The following EYA4 variants were observed in gnomAD, a reference collection of about 807,000 sequenced individuals.
EYA4 encodes the protein protein phosphatase EYA4.
EYA4 carries 31 observed loss-of-function variants against 87.9 expected under a neutral mutation model. The observed-to-expected ratio is 0.35, with a 90% confidence interval of 0.27 to 0.48. The LOEUF is 0.48. EYA4 is among the 20% of genes least tolerant of loss of function. The probability of loss-of-function intolerance (pLI) is 0.99; values close to 1 mark genes in which losing one functional copy is unlikely to be tolerated. For synonymous variants in EYA4, 263 were observed against 270.6 expected (o/e 0.97, Z 0.28); for missense variants, 678 against 761.4 (o/e 0.89, Z 1.29).
chr6:133,359,368 A>G (rs2128443292), intron 2 of EYA4, among the ~76,000 whole-genome samples: 1 of 152,310 alleles, frequency 6.6e-6, no homozygotes, highest in African/African-American at 2.4e-5. Context: ...TTATGTAATC[A>G]GTCACTGAAA....
chr6:133,328,444 A>G (rs1042048186), intron 2 of EYA4, among the ~76,000 whole-genome samples: 9 of 152,142 alleles, frequency 5.9e-5, no homozygotes, highest in African/African-American at 1.7e-4. Flanking sequence ...GTTCAGATCA[A>G]TGTAAGTAAT....
Position 133,327,746 on chromosome 6 carries a change from C to T in EYA4, c.33+52933C>T, listed in dbSNP as rs7771444. On this transcript the variant is annotated intron_variant, in intron 2 of 19. Coordinates refer to ENST00000355286, the MANE Select transcript of EYA4 (RefSeq NM_004100.5). ...TATCAGAAAAATTCTCAGAAGTACA[C>T]GTAAGTGGAATTTATTCTTTTATTA... Among the ~76,000 whole-genome samples the T allele has an allele frequency of 5.5e-3, 837 of 152,190 alleles. 6 individuals carry two copies. Among genetic ancestry groups the T allele is most frequent in the African/African-American group, 0.018 (733 of 41,516 alleles).
intron 5 of EYA4, among the ~76,000 whole-genome samples, chr6:133,450,857 T>C (rs1444647052): frequency 6.6e-6 from 1 of 152,262 alleles, no homozygotes; most frequent in African/African-American, 2.4e-5. Context: ...CTTTAGATTT[T>C]ATCCTACTAC....
chr6:133,415,474 C>T (rs904296425), intron 3 of EYA4, among the ~76,000 whole-genome samples: 7 of 152,268 alleles, frequency 4.6e-5, no homozygotes, highest in Admixed American at 3.3e-4. Flanking sequence ...GCCTGCCAGA[C>T]GTGCCTCCTC....
At chr6:133,299,951 C>CTATATATATA (rs1252685993) in intron 2 of EYA4, among the ~76,000 whole-genome samples, 27 of 130,972 alleles carry the variant, frequency 2.1e-4, no homozygotes, top group African/African-American at 8.4e-4. Context: ...ATCTATCTAT[C>CTATATATATA]TATCTATATA....
chr6:133,367,421 G>C (rs904386152), intron 2 of EYA4, among the ~76,000 whole-genome samples: 1 of 152,186 alleles, frequency 6.6e-6, no homozygotes, highest in Non-Finnish European at 1.5e-5. Context: ...ACGTATATAT[G>C]TGGCAAGACT....
In EYA4 at chr6:133,456,571, T is replaced by C. The variant is rs2128644160; in HGVS notation, c.293T>C (p.Val98Ala). ...PSSATMSLLA[V>A]KTEPLNSSET... is the part of the protein sequence containing the mutation. ...TTCTACGTAGTGTCTCTTCTTGCAG[T>C]CAAAACAGAGCCCTTGAACAGCAGT... Residue 98 changes from valine (V) to alanine (A), a missense_variant, in exon 6 of 20, where the codon GTC (valine) becomes GCC (alanine). By Grantham distance (64) the Val-to-Ala change is moderately conservative (BLOSUM62 0). Coordinates refer to ENST00000355286, the MANE Select transcript of EYA4 (RefSeq NM_004100.5). 1 of 1,612,716 alleles carries C rather than the reference T, an allele frequency of 6.2e-7. No individual in the cohort carries two copies. The highest frequency in any genetic ancestry group is 8.5e-7 in the Non-Finnish European group (1 of 1,178,778).
chr6:133,432,646 G>A (rs74857548), intron 3 of EYA4, among the ~76,000 whole-genome samples: 85 of 152,018 alleles, frequency 5.6e-4, no homozygotes, highest in African/African-American at 2.1e-3. Context: ...TCCTATTCAG[G>A]GACAGACAAA....
At chr6:133,254,872 C>T (rs1207621559) in intron 1 of EYA4, among the ~76,000 whole-genome samples, 1 of 152,162 alleles carries the variant, frequency 6.6e-6, no homozygotes, top group Non-Finnish European at 1.5e-5. Context: ...ATGCTGGGGA[C>T]ACTTCATGCT....
chr6:133,499,334 C>G (rs1202061482), intron 13 of EYA4, among the ~76,000 whole-genome samples: 1 of 152,196 alleles, frequency 6.6e-6, no homozygotes, highest in Admixed American at 6.5e-5. Context: ...CCACTTTTCT[C>G]TGGGCCCTGT....
chr6:133,331,133 A>G (rs940998567), intron 2 of EYA4, among the ~76,000 whole-genome samples: 21 of 151,644 alleles, frequency 1.4e-4, no homozygotes, highest in African/African-American at 4.8e-4. Flanking sequence ...TTTAATTCAA[A>G]GACCCCATTG....
chr6:133,424,169 T>C (rs891279016), intron 3 of EYA4, among the ~76,000 whole-genome samples: 30 of 152,206 alleles, frequency 2.0e-4, no homozygotes, highest in African/African-American at 7.0e-4. Flanking sequence ...TCGGCCATCC[T>C]CTGGCTGTCC....
intron 3 of EYA4, among the ~76,000 whole-genome samples, chr6:133,440,983 A>T (rs1792219960): frequency 6.6e-6 from 1 of 152,214 alleles, no homozygotes; most frequent in Non-Finnish European, 1.5e-5. Flanking sequence ...TGATGTGTTT[A>T]GCTGTGGTTT....
intron 3 of EYA4, among the ~76,000 whole-genome samples, chr6:133,394,979 A>G (rs1434168448): frequency 6.6e-6 from 1 of 152,216 alleles, no homozygotes; most frequent in East Asian, 1.9e-4. Flanking sequence ...GTTAAATTAC[A>G]TTTAACATCA....
At chr6:133,327,921 G>A (rs949873773) in intron 2 of EYA4, among the ~76,000 whole-genome samples, 7 of 152,178 alleles carry the variant, frequency 4.6e-5, no homozygotes, top group African/African-American at 1.7e-4. Flanking sequence ...AATTCTTAGA[G>A]ACTATAGAGT....
chr6:133,331,052 C>T (rs1781917970), intron 2 of EYA4, among the ~76,000 whole-genome samples: 1 of 120,500 alleles, frequency 8.3e-6, no homozygotes. Flanking sequence ...TTTTTTTGCA[C>T]CAGAACCAGA....
chr6:133,396,140 A>G (rs891025789), intron 3 of EYA4, among the ~76,000 whole-genome samples: 25 of 152,200 alleles, frequency 1.6e-4, no homozygotes, highest in African/African-American at 4.3e-4. Context: ...GACTTGGGAA[A>G]TAATTGTTCC....
rs768724484 is a variant in EYA4 at position 133,383,517 on chromosome 6, C to CAAAAAAAAAAAAAA, written c.83+1091_83+1104dup. 3.5e-4 allele frequency among the ~76,000 whole-genome samples: 16 copies of CAAAAAAAAAAAAAA among 45,234 alleles called. 4 individuals carry two copies. Among genetic ancestry groups the CAAAAAAAAAAAAAA allele is most frequent in the East Asian group, 2.9e-3 (3 of 1,050 alleles). The allele number at this position is 45,234 out of a possible 152,430, so 29.7% of individuals were successfully genotyped here. A position where few individuals can be genotyped will look rare whatever the true frequency, so the allele number is the denominator to read the frequency against. ...TGGGCGACAGAGCGAGACTCCATCT[C>CAAAAAAAAAAAAAA]AAAAAAAAAAAAAAAAAAAAAAAAA... On this transcript the variant is annotated intron_variant, in intron 3 of 19. Coordinates refer to ENST00000355286, the MANE Select transcript of EYA4 (RefSeq NM_004100.5).
chr6:133,446,649 C>G lies in EYA4; in HGVS notation c.103C>G (p.Leu35Val), dbSNP rs35562371. 8.2e-5 allele frequency: 132 copies of G among 1,613,628 alleles called. No homozygotes were observed. Among genetic ancestry groups the G allele is most frequent in the Non-Finnish European group, 1.0e-4 (123 of 1,179,726 alleles). Residue 35 changes from leucine (L) to valine (V), a missense_variant, in exon 4 of 20, where the codon CTA (leucine) becomes GTA (valine). By Grantham distance (32) the Leu-to-Val change is conservative. Coordinates refer to ENST00000355286, the MANE Select transcript of EYA4 (RefSeq NM_004100.5). ...QNSRSMEMQD[L>V]ASPHTLVGGG... ...TACCAGGTCTATGGAAATGCAGGACCTAGCAAGTCCTCATACTCTTGTTGG... is the reference window on the plus strand; with the variant it reads ...TACCAGGTCTATGGAAATGCAGGACGTAGCAAGTCCTCATACTCTTGTTGG...
Sources: gnomAD v4.1 joint callset for allele counts (sites outside exome capture counted in the v4.1 genomes callset) on GRCh38, gnomAD v4.1.1 for gene constraint, MANE v1.5 for transcripts, NCBI Gene and HGNC (gene_info 2026-07-23, HGNC 2026-07-21) for gene names.